Variants in NRG1 observed in about 807,000 individuals in gnomAD.
The protein encoded by NRG1 is pro-neuregulin-1, membrane-bound isoform.
A neutral mutation model predicts 63.8 loss-of-function variants in NRG1; 18 were observed. The ratio of observed to expected loss-of-function variants is 0.28; its 90% CI spans 0.19 to 0.42. The LOEUF (loss-of-function observed/expected upper bound fraction) is 0.42. NRG1 is among the 10% of genes least tolerant of loss of function. The probability of loss-of-function intolerance (pLI) is 1.00; values close to 1 mark genes in which losing one functional copy is unlikely to be tolerated. For synonymous variants in NRG1, 302 were observed against 301.3 expected (o/e 1.00, Z -0.02); for missense variants, 762 against 814.7 (o/e 0.94, Z 0.79).
chr8:32,454,006 A>G (rs1232466066), intron 1 of NRG1, among the ~76,000 whole-genome samples: 3 of 152,198 alleles, frequency 2.0e-5, no homozygotes, highest in Non-Finnish European at 4.4e-5. Context: ...TGTATATTCA[A>G]TTGCCTGGGT....
chr8:32,632,549 CAA>C (rs5890673), intron 5 of NRG1, among the ~76,000 whole-genome samples: 11 of 110,014 alleles, frequency 1.0e-4, no homozygotes, highest in South Asian at 3.2e-4. Flanking sequence ...AACTCCATCT[CAA>C]AAAAAAAAAA....
downstream of NRG1, among the ~76,000 whole-genome samples, chr8:32,771,451 T>C (rs749519219): frequency 1.3e-5 from 2 of 151,526 alleles, no homozygotes; most frequent in Non-Finnish European, 2.9e-5. Context: ...TGATGCAGTA[T>C]AAGTTCAGCT....
chr8:32,485,635 A>T (rs1825812081), intron 1 of NRG1, among the ~76,000 whole-genome samples: 1 of 152,214 alleles, frequency 6.6e-6, no homozygotes, highest in Admixed American at 6.5e-5. Flanking sequence ...AGGAAAATGA[A>T]ATTAACTACT....
chr8:32,459,408 T>TTTTTTA (rs1228997457), intron 1 of NRG1, among the ~76,000 whole-genome samples: 1 of 152,024 alleles, frequency 6.6e-6, no homozygotes, highest in Admixed American at 6.6e-5. Context: ...TTTAAGCCCT[T>TTTTTTA]TTTTTATTTT....
chr8:32,095,932 G>A (rs1829847965), intron 1 of NRG1, among the ~76,000 whole-genome samples: 1 of 152,200 alleles, frequency 6.6e-6, no homozygotes, highest in African/African-American at 2.4e-5. Context: ...AAGTGGCTGA[G>A]GCTATGTAGT....
intron 1 of NRG1, among the ~76,000 whole-genome samples, chr8:32,180,575 C>T (rs368274544): frequency 5.9e-4 from 90 of 151,942 alleles, no homozygotes; most frequent in Middle Eastern, 3.4e-3. Context: ...CTATTGGTGA[C>T]AAAAATCACA....
At chr8:32,581,117 G>A (rs1374887514) in intron 1 of NRG1, among the ~76,000 whole-genome samples, 7 of 152,154 alleles carry the variant, frequency 4.6e-5, no homozygotes, top group Admixed American at 4.6e-4. Context: ...AGGAGAACAA[G>A]GATCTTGGTT....
chr8:32,001,724 A>G (rs941169078), intron 1 of NRG1, among the ~76,000 whole-genome samples: 1 of 151,978 alleles, frequency 6.6e-6, no homozygotes, highest in Non-Finnish European at 1.5e-5. Context: ...TAATACTAGC[A>G]GGGATACTGA....
chr8:32,397,160 T>A (rs1812541783), intron 1 of NRG1, among the ~76,000 whole-genome samples: 2 of 151,990 alleles, frequency 1.3e-5, no homozygotes, highest in East Asian at 1.9e-4. Flanking sequence ...AGATAGATAA[T>A]CTATAGATAT....
At chr8:32,642,057 A>G (rs1852502944) in intron 5 of NRG1, among the ~76,000 whole-genome samples, 1 of 152,216 alleles carries the variant, frequency 6.6e-6, no homozygotes. Context: ...AGATCAGGCT[A>G]AATTAATTCA....
At chr8:32,267,097 AGGAAGGAAGGAAGGAG>A (rs1323171423) in intron 1 of NRG1, among the ~76,000 whole-genome samples, 1 of 104,492 alleles carries the variant, frequency 9.6e-6, no homozygotes, top group African/African-American at 3.0e-5. Flanking sequence ...AGAGAGAGAA[AGGAAGGAAGGAAGGAG>A]GGAAGGAAGG....
chr8:31,702,949 T>C (rs1810774194), intron 1 of NRG1, among the ~76,000 whole-genome samples: 1 of 151,614 alleles, frequency 6.6e-6, no homozygotes, highest in African/African-American at 2.4e-5. Flanking sequence ...GTTTATGCTT[T>C]TTCATTGAGA....
At chr8:32,695,212 A>G (rs1006057524) in intron 5 of NRG1, among the ~76,000 whole-genome samples, 9 of 152,026 alleles carry the variant, frequency 5.9e-5, no homozygotes, top group Non-Finnish European at 1.2e-4. Context: ...ATGGTGGCGC[A>G]TATCTGTAAT....
intron 1 of NRG1, among the ~76,000 whole-genome samples, chr8:31,904,674 C>T (rs1563548232): frequency 6.6e-6 from 1 of 152,178 alleles, no homozygotes; most frequent in Non-Finnish European, 1.5e-5. Context: ...GGTACATATA[C>T]ATCATCAAAT....
intron 1 of NRG1, among the ~76,000 whole-genome samples, chr8:32,333,802 G>A (rs537723724): frequency 6.6e-6 from 1 of 152,122 alleles, no homozygotes; most frequent in South Asian, 2.1e-4. Flanking sequence ...TTCCTTTCCT[G>A]TTACCCTGTG....
intron 1 of NRG1, among the ~76,000 whole-genome samples, chr8:32,085,707 A>G (rs912406486): frequency 1.3e-5 from 2 of 152,212 alleles, no homozygotes; most frequent in Non-Finnish European, 2.9e-5. Flanking sequence ...TAACTACAAC[A>G]TATAATTTAA....
intron 1 of NRG1, among the ~76,000 whole-genome samples, chr8:32,588,169 G>T (rs1267070450): frequency 3.9e-5 from 6 of 152,114 alleles, no homozygotes; most frequent in Non-Finnish European, 7.4e-5. Context: ...TGATCCATCT[G>T]CCTCGGCCTC....
At chr8:32,321,455 A>C (rs1801371899) in intron 1 of NRG1, among the ~76,000 whole-genome samples, 1 of 150,392 alleles carries the variant, frequency 6.6e-6, no homozygotes, top group Non-Finnish European at 1.5e-5. Flanking sequence ...TAAGATTATA[A>C]AGGTTAGAAT....
At chr8:32,760,145 T>A (rs902782683) in intron 10 of NRG1, 55 bp from the exon 11 acceptor site, 26 of 1,597,538 alleles carry the variant, frequency 1.6e-5, no homozygotes, top group Non-Finnish European at 2.1e-5. Flanking sequence ...TTTCCATTTT[T>A]TTGCATATAA....
Sources: gnomAD v4.1 joint callset for allele counts (sites outside exome capture counted in the v4.1 genomes callset) on GRCh38, gnomAD v4.1.1 for gene constraint, MANE v1.5 for transcripts, NCBI Gene and HGNC (gene_info 2026-07-23, HGNC 2026-07-21) for gene names.